The following BCKDHA variants were observed in gnomAD, a reference collection of about 807,000 sequenced individuals.
BCKDHA encodes 2-oxoisovalerate dehydrogenase subunit alpha, mitochondrial.
BCKDHA carries 43 observed loss-of-function variants against 52.2 expected under a neutral mutation model. The ratio of observed to expected loss-of-function variants is 0.82; its 90% CI spans 0.64 to 1.06. BCKDHA has a LOEUF of 1.06. Ranked by LOEUF, BCKDHA falls within the 50% of genes least tolerant of loss-of-function variation. The pLI is 0.00. For synonymous variants in BCKDHA, 234 were observed against 247.9 expected (o/e 0.94, Z 0.53); for missense variants, 527 against 621.3 (o/e 0.85, Z 1.61).
chr19:41,412,411 G>A (rs2039266185), intron 3 of BCKDHA, among the ~76,000 whole-genome samples: 1 of 44,402 alleles, frequency 2.3e-5, no homozygotes, highest in Admixed American at 1.9e-4. Flanking sequence ...TTTTGAGATG[G>A]AGTTTTGCTC....
intron 1 of BCKDHA, among the ~76,000 whole-genome samples, chr19:41,401,738 T>C (rs751960834): frequency 6.6e-6 from 1 of 152,150 alleles, no homozygotes; most frequent in Non-Finnish European, 1.5e-5. Context: ...ATTTCACCTC[T>C]CTGACCCTAG....
chr19:41,420,414 C>A (rs1251561746), intron 5 of BCKDHA, among the ~76,000 whole-genome samples: 6 of 152,016 alleles, frequency 3.9e-5, no homozygotes, highest in Non-Finnish European at 8.8e-5. Flanking sequence ...GCCTGGCCAA[C>A]ATGGCAAAGC....
In BCKDHA at chr19:41,414,161, C is replaced by CGTCT. The variant is rs1489683670; in HGVS notation, c.484+8_484+11dup. On this transcript the variant is annotated splice_donor_region_variant and intron_variant, in intron 4 of 8. Coordinates refer to ENST00000269980, the MANE Select transcript of BCKDHA (RefSeq NM_000709.4). ...TTTGGCCAGTACCGGGAGGCAGGTA[C>CGTCT]GTCTGTCCGTGGTTTGGCCCTGTGG... 5 of 1,612,982 alleles carry CGTCT rather than the reference C, an allele frequency of 3.1e-6. No homozygotes were observed. Among genetic ancestry groups the CGTCT allele is most frequent in the Non-Finnish European group, 4.2e-6 (5 of 1,179,720 alleles).
chr19:41,424,626 C>T lies in BCKDHA; in HGVS notation c.*18C>T. On this transcript the variant is annotated 3_prime_UTR_variant, in exon 9 of 9. Coordinates refer to ENST00000269980, the MANE Select transcript of BCKDHA (RefSeq NM_000709.4). ...ATAAGTGAGACCTGCTCAGCCCACC[C>T]CCACCCATCCTCAGCTACCCCGAGA... 1 of 1,566,594 alleles carries T rather than the reference C, an allele frequency of 6.4e-7. No individual in the cohort carries two copies. Among genetic ancestry groups the T allele is most frequent in the Non-Finnish European group, 8.7e-7 (1 of 1,151,648 alleles).
Position 41,420,214 on chromosome 19 carries a change from A to G in BCKDHA, c.646+918A>G, listed in dbSNP as rs560390066. ...TGCCTACTGCATTTGTCTGCTCACA[A>G]ACATAGCCAACGTGTGCACCAGGTT... On this transcript the variant is annotated intron_variant, in intron 5 of 8. Coordinates refer to ENST00000269980, the MANE Select transcript of BCKDHA (RefSeq NM_000709.4). 1.1e-3 allele frequency among the ~76,000 whole-genome samples: 170 copies of G among 152,312 alleles called. 1 individual carries two copies. Among genetic ancestry groups the G allele is most frequent in the Admixed American group, 2.2e-3 (34 of 15,306 alleles).
chr19:41,418,963 A>C, intron 4 of BCKDHA, 172 bp from the exon 5 acceptor site: 1 of 716,158 alleles, frequency 1.4e-6, no homozygotes. Context: ...CTTTCTTTTG[A>C]AAAATCAGAT....
chr19:41,400,772 G>A (rs1453492853), intron 1 of BCKDHA, among the ~76,000 whole-genome samples: 1 of 151,904 alleles, frequency 6.6e-6, no homozygotes, highest in African/African-American at 2.4e-5. Flanking sequence ...CATTTTGAGA[G>A]GCCAAGGTGG....
At chr19:41,398,876 C>T (rs2039106387) in intron 1 of BCKDHA, among the ~76,000 whole-genome samples, 1 of 152,066 alleles carries the variant, frequency 6.6e-6, no homozygotes, top group East Asian at 1.9e-4. Flanking sequence ...AGCTAATTTT[C>T]CTCTCTAAAA....
At chr19:41,406,570 ATTT>A (rs1201986170) in intron 1 of BCKDHA, among the ~76,000 whole-genome samples, 1 of 129,632 alleles carries the variant, frequency 7.7e-6, no homozygotes. Flanking sequence ...TTCCCAGCTA[ATTT>A]TTTTTTTTTT....
intron 4 of BCKDHA, 106 bp downstream of exon 4, chr19:41,414,263 CTG>C: frequency 8.9e-7 from 1 of 1,127,280 alleles, no homozygotes; most frequent in Admixed American, 2.0e-5. Context: ...GTCTAAGGAG[CTG>C]GAAGAAGAGC....
intron 1 of BCKDHA, among the ~76,000 whole-genome samples, chr19:41,401,487 A>G (rs1235412341): frequency 6.6e-6 from 1 of 152,196 alleles, no homozygotes; most frequent in Admixed American, 6.5e-5. Context: ...AGATTGGATT[A>G]GAAGGAGGAG....
chr19:41,409,946 A>G (rs989238672), intron 1 of BCKDHA, among the ~76,000 whole-genome samples: 2 of 151,958 alleles, frequency 1.3e-5, no homozygotes, highest in Non-Finnish European at 2.9e-5. Context: ...GACTACAGGC[A>G]TGTGCCACCA....
intron 4 of BCKDHA, among the ~76,000 whole-genome samples, chr19:41,416,641 C>T (rs895976268): frequency 9.9e-5 from 15 of 152,178 alleles, no homozygotes; most frequent in Admixed American, 4.6e-4. Context: ...AAGCACGTGC[C>T]AGGTGTGGTG....
At chr19:41,410,363 T>A (rs772794372) in intron 1 of BCKDHA, among the ~76,000 whole-genome samples, 1 of 152,236 alleles carries the variant, frequency 6.6e-6, no homozygotes, top group African/African-American at 2.4e-5. Flanking sequence ...GATTGAGTCA[T>A]TTAACCTCAC....
chr19:41,414,284 C>A, intron 4 of BCKDHA, 127 bp downstream of exon 4: 1 of 979,914 alleles, frequency 1.0e-6, no homozygotes, highest in Non-Finnish European at 1.6e-6. Flanking sequence ...GCTTTCCAAG[C>A]AAGAAAGAGA....
chr19:41,408,541 TCTC>T (rs113733825), intron 1 of BCKDHA, among the ~76,000 whole-genome samples: 4,664 of 152,006 alleles, frequency 0.031, 228 homozygotes, highest in African/African-American at 0.11. Flanking sequence ...TTCTCACAGG[TCTC>T]CTGGGCTTTC....
rs1322799946 is a variant in BCKDHA, at chr19:41,414,047, A to G, written c.376-2A>G. ...GGACCCCGGTCCCCTCTACACCCCC[A>G]GGGCCGGATCTCCTTCTACATGACC... On this transcript the variant is annotated splice_acceptor_variant, in intron 3 of 8. Coordinates refer to ENST00000269980, the MANE Select transcript of BCKDHA (RefSeq NM_000709.4). LOFTEE classifies it high-confidence loss of function. 2 of 1,613,126 alleles carry G rather than the reference A, an allele frequency of 1.2e-6. No individual in the cohort carries two copies. Among genetic ancestry groups the G allele is most frequent in the African/African-American group, 1.3e-5 (1 of 74,906 alleles).
At chr19:41,420,125 G>C (rs1360803266) in intron 5 of BCKDHA, among the ~76,000 whole-genome samples, 1 of 152,136 alleles carries the variant, frequency 6.6e-6, no homozygotes, top group Non-Finnish European at 1.5e-5. Flanking sequence ...GGGCTCTGTT[G>C]CTGTCCCCAC....
rs768338292 is a variant in BCKDHA, at chr19:41,397,927, G to C, written c.100G>C (p.Ala34Pro). 5 of 1,613,714 alleles carry C rather than the reference G, an allele frequency of 3.1e-6. No individual in the cohort carries two copies. Among genetic ancestry groups the C allele is most frequent in the African/African-American group, 1.3e-5 (1 of 74,940 alleles). The change falls in exon 1 of 9, where the codon GCT becomes CCT. Residue 34 changes from alanine to proline, a missense_variant. By Grantham distance (27) the Ala-to-Pro change is conservative. Transcript: ENST00000269980. Reference protein sequence around the residue: ...LLRQPGARGLARSHPPRQQQQ... With the variant: ...LLRQPGARGLPRSHPPRQQQQ... ...GCGGCAGCCTGGGGCTCGGGGACTG[G>C]CTAGATCTGTGAGTACCTGGGCCCC...
Sources: allele counts gnomAD v4.1 joint callset (sites outside exome capture counted in the v4.1 genomes callset), GRCh38; gene constraint gnomAD v4.1.1; transcripts MANE v1.5; gene names NCBI Gene and HGNC (gene_info 2026-07-23, HGNC 2026-07-21).